The following TBC1D4 variants were observed in gnomAD, a reference collection of about 807,000 sequenced individuals.
TBC1D4 encodes the protein TBC (Tre-2, BUB2, CDC16) domain-containing protein.
In TBC1D4, 121 loss-of-function variants were observed where a neutral mutation model predicts 142.5. The ratio of observed to expected loss-of-function variants is 0.85; its 90% confidence interval spans 0.73 to 0.99. The LOEUF (loss-of-function observed/expected upper bound fraction) is 0.99. Among genes scored for constraint, TBC1D4 ranks in the 50% least tolerant of loss-of-function variants. TBC1D4 has a pLI of 0.00. For missense variants in TBC1D4, 1,475 were observed against 1,606.6 expected (o/e 0.92, Z 1.40); for synonymous variants, 630 against 628.2 (o/e 1.00, Z -0.04).
At chr13:75,412,273 G>C (rs1353859728) in intron 1 of TBC1D4, among the ~76,000 whole-genome samples, 1 of 151,886 alleles carries the variant, frequency 6.6e-6, no homozygotes, top group African/African-American at 2.4e-5. Flanking sequence ...AAAGACGTGG[G>C]GTTTTTTTTG....
chr13:75,348,966 T>A (rs1455954196), intron 5 of TBC1D4, among the ~76,000 whole-genome samples: 28 of 149,992 alleles, frequency 1.9e-4, no homozygotes, highest in South Asian at 6.4e-4. Flanking sequence ...TGTGTGTGTG[T>A]GTGTGTGTGT....
At chr13:75,407,752 T>TAGA (rs2138379776) in intron 1 of TBC1D4, among the ~76,000 whole-genome samples, 1 of 151,592 alleles carries the variant, frequency 6.6e-6, no homozygotes, top group African/African-American at 2.4e-5. Flanking sequence ...AGTTAGTGAG[T>TAGA]AGAAGTGCCC....
At chr13:75,411,666 C>T (rs1350354361) in intron 1 of TBC1D4, among the ~76,000 whole-genome samples, 1 of 152,008 alleles carries the variant, frequency 6.6e-6, no homozygotes, top group Non-Finnish European at 1.5e-5. Flanking sequence ...GCTGGGACTA[C>T]AAGCACATCA....
At chr13:75,312,706 G>A in intron 13 of TBC1D4, 32 bp downstream of exon 13, 2 of 1,613,978 alleles carry the variant, frequency 1.2e-6, no homozygotes, top group Non-Finnish European at 1.7e-6. Context: ...GACACTCAGA[G>A]GGATAAATTC....
chr13:75,470,050 C>T (rs1191288164), intron 1 of TBC1D4, among the ~76,000 whole-genome samples: 7 of 152,182 alleles, frequency 4.6e-5, no homozygotes, highest in Non-Finnish European at 5.9e-5. Flanking sequence ...AGATCTGCCA[C>T]TTACTAGCTC....
At chr13:75,457,181 C>T (rs1887772165) in intron 1 of TBC1D4, among the ~76,000 whole-genome samples, 1 of 152,146 alleles carries the variant, frequency 6.6e-6, no homozygotes, top group Non-Finnish European at 1.5e-5. Context: ...AAATATTCTA[C>T]ATTTTAATAT....
intron 1 of TBC1D4, among the ~76,000 whole-genome samples, chr13:75,391,613 T>C (rs1473752876): frequency 6.6e-6 from 1 of 152,234 alleles, no homozygotes; most frequent in Non-Finnish European, 1.5e-5. Context: ...CTTTTCTTAT[T>C]CCTTCTCATC....
At chr13:75,469,182 A>C (rs7335576) in intron 1 of TBC1D4, among the ~76,000 whole-genome samples, 2 of 152,114 alleles carry the variant, frequency 1.3e-5, no homozygotes, top group Admixed American at 6.5e-5. Context: ...GAGATGACTT[A>C]TATGTCTGAA....
At chr13:75,319,051 G>A (rs888553999) in intron 12 of TBC1D4, among the ~76,000 whole-genome samples, 21 of 152,148 alleles carry the variant, frequency 1.4e-4, no homozygotes, top group African/African-American at 3.9e-4. Flanking sequence ...AGGACACAAG[G>A]CAGAACTAAC....
At position 75,447,500 on chromosome 13, in the gene TBC1D4, ATGTG is replaced by A. The variant is rs35775136; in HGVS notation, c.498+33766_498+33769del. 1.6e-3 allele frequency among the ~76,000 whole-genome samples: 229 copies of A among 145,318 alleles called. 1 individual carries two copies. The highest frequency in any genetic ancestry group is 7.5e-3 in the East Asian group (37 of 4,938). ...AAGCTGATGGGCATGCATAGTGTGA[ATGTG>A]TGTGTGTGTGTGTGTGTGTGTGTGT... is the stretch of plus-strand genomic sequence containing the variant. On this transcript the variant is annotated intron_variant, in intron 1 of 20. Transcript: ENST00000377636.
chr13:75,332,004 G>GCAT (rs1368826411), intron 8 of TBC1D4, among the ~76,000 whole-genome samples: 1 of 152,132 alleles, frequency 6.6e-6, no homozygotes, highest in Non-Finnish European at 1.5e-5. Flanking sequence ...ATGTCATTTG[G>GCAT]CATCACTCTG....
rs559703960 is a variant in TBC1D4, at chr13:75,403,995, G to A, written c.499-41388C>T. ...TGCTAGAGAAAGTTCAAGGAAATCA[G>A]GTATTTATATATATAGGTGGTGTAA... On this transcript the variant is annotated intron_variant, in intron 1 of 20. Transcript: ENST00000377636. Among the ~76,000 whole-genome samples, 67 of 151,728 alleles carry A rather than the reference G, an allele frequency of 4.4e-4. 1 individual carries two copies. In the South Asian group the frequency reaches 4.8e-3, roughly 11 times the overall value.
At chr13:75,389,506 G>C (rs1435279592) in intron 1 of TBC1D4, among the ~76,000 whole-genome samples, 1 of 152,046 alleles carries the variant, frequency 6.6e-6, no homozygotes, top group Non-Finnish European at 1.5e-5. Context: ...AGAATAGTTT[G>C]TAGAAAAGCT....
At chr13:75,475,291 A>G (rs1412539019) in intron 1 of TBC1D4, among the ~76,000 whole-genome samples, 1 of 152,246 alleles carries the variant, frequency 6.6e-6, no homozygotes, top group Non-Finnish European at 1.5e-5. Flanking sequence ...ACTTGGTCAA[A>G]TAAGTCTGAA....
intron 5 of TBC1D4, among the ~76,000 whole-genome samples, chr13:75,342,343 A>G (rs968675723): frequency 2.0e-5 from 3 of 152,222 alleles, no homozygotes; most frequent in Admixed American, 6.5e-5. Flanking sequence ...AATAAAAGCT[A>G]AAGACTAGCC....
chr13:75,298,767 AC>A (rs1876216603), intron 17 of TBC1D4, among the ~76,000 whole-genome samples: 2 of 150,430 alleles, frequency 1.3e-5, no homozygotes, highest in South Asian at 4.2e-4. Context: ...ACACACACAT[AC>A]ACACACACAC....
At chr13:75,356,031 C>G (rs777507865) in intron 4 of TBC1D4, 116 bp downstream of exon 4, 2 of 780,762 alleles carry the variant, frequency 2.6e-6, no homozygotes, top group Non-Finnish European at 4.4e-6. Context: ...TATTTCTAGA[C>G]GCCTTCTTCT....
At chr13:75,308,901 C>A (rs926057880) in intron 14 of TBC1D4, among the ~76,000 whole-genome samples, 4 of 152,040 alleles carry the variant, frequency 2.6e-5, no homozygotes, top group African/African-American at 9.7e-5. Flanking sequence ...AAAAAATGTG[C>A]TCTTGCAAAC....
At chr13:75,357,728 G>A (rs576794165) in intron 3 of TBC1D4, among the ~76,000 whole-genome samples, 1 of 152,150 alleles carries the variant, frequency 6.6e-6, no homozygotes, top group Non-Finnish European at 1.5e-5. Context: ...AAATCAGGCT[G>A]TTCCTGAAAA....
Sources: allele counts gnomAD v4.1 joint callset (sites outside exome capture counted in the v4.1 genomes callset), GRCh38; gene constraint gnomAD v4.1.1; transcripts MANE v1.5; gene names NCBI Gene and HGNC (gene_info 2026-07-23, HGNC 2026-07-21).